The following PPM1G variants were observed in gnomAD, a reference collection of about 807,000 sequenced individuals.
The protein encoded by PPM1G is protein phosphatase 1G.
In PPM1G, 12 loss-of-function variants were observed where a neutral mutation model predicts 59.4. The observed-to-expected ratio is 0.20, with a 90% CI of 0.13 to 0.33. PPM1G has a LOEUF of 0.33. Ranked by LOEUF, PPM1G falls within the 10% of genes least tolerant of loss-of-function variation. PPM1G has a pLI of 1.00. For missense variants in PPM1G, 392 were observed against 681.3 expected, an observed-to-expected ratio of 0.58 and a Z score of 4.73; for synonymous variants, 245 against 251.9, an observed-to-expected ratio of 0.97 and a Z score of 0.26.
chr2:27,393,524 G>A lies in PPM1G; in HGVS notation c.121-6366C>T, dbSNP rs566204943. 2.6e-5 allele frequency among the ~76,000 whole-genome samples: 4 copies of A among 152,324 alleles called. No individual in the cohort carries two copies. In the South Asian group the frequency reaches 8.3e-4, roughly 32 times the overall value. On this transcript the variant is annotated intron_variant, in intron 1 of 9. Transcript: ENST00000344034. ...GGGTGCAGGACGAGCGCCGGGTTCC[G>A]TCCAAGCACTGTTGAAGCAGGAAAC...
At position 27,381,296 on chromosome 2, in the gene PPM1G, G is replaced by T. The variant is rs906442612; in HGVS notation, c.*303C>A. On this transcript the variant is annotated 3_prime_UTR_variant, in exon 10 of 10. Coordinates refer to ENST00000344034, the MANE Select transcript of PPM1G (RefSeq NM_177983.3). ...GGGCCATGGAGCCGCCAATAAAAAA[G>T]AATGTCCTTAAATAAAGTTCACAGA... is the stretch of plus-strand genomic sequence containing the variant. The T allele has an allele frequency of 1.3e-5, 6 of 461,202 alleles. No individual in the cohort carries two copies. Among genetic ancestry groups the T allele is most frequent in the Non-Finnish European group, 2.4e-5 (6 of 253,120 alleles). 28.6% of individuals were successfully genotyped at this position (461,202 alleles called of 1,614,324 possible).
chr2:27,386,023 A>C (rs1048437818), intron 3 of PPM1G, 144 bp from the exon 4 acceptor site: 7 of 1,277,660 alleles, frequency 5.5e-6, no homozygotes, highest in Non-Finnish European at 7.6e-6. Context: ...GAGGCCTAGG[A>C]ATAATAAGGC....
intron 1 of PPM1G, among the ~76,000 whole-genome samples, chr2:27,408,407 T>C (rs976338446): frequency 6.6e-6 from 1 of 152,182 alleles, no homozygotes; most frequent in Non-Finnish European, 1.5e-5. Context: ...CTACCGCAGT[T>C]TTCCCTCTTC....
intron 1 of PPM1G, among the ~76,000 whole-genome samples, chr2:27,408,366 C>T (rs1356840261): frequency 6.6e-6 from 1 of 152,124 alleles, no homozygotes; most frequent in African/African-American, 2.4e-5. Flanking sequence ...TTCACAAAGC[C>T]ACGGTTAACC....
At chr2:27,408,814 ACT>A (rs1284935326) in intron 1 of PPM1G, among the ~76,000 whole-genome samples, 1 of 152,152 alleles carries the variant, frequency 6.6e-6, no homozygotes. Context: ...TGTGAAACAG[ACT>A]CTGCCCGGGG....
intron 1 of PPM1G, among the ~76,000 whole-genome samples, chr2:27,398,600 G>A (rs1170919749): frequency 6.6e-6 from 1 of 152,034 alleles, no homozygotes; most frequent in African/African-American, 2.4e-5. Flanking sequence ...CAGGCGGACG[G>A]ATCACGAGGT....
chr2:27,383,939 C>CT lies in PPM1G; in HGVS notation c.966+12dup. On this transcript the variant is annotated intron_variant, in intron 6 of 9. Transcript: ENST00000344034. This position sits in a 1 kb window ranked among gnomAD's most constrained non-coding sequence, Gnocchi z 5.0. ...TGGCTTTTCAAGACTCATTGCTCCC[C>CT]TTCCCCACACACCTCCTCTTTGCCT... 4 of 1,552,060 alleles carry CT rather than the reference C, an allele frequency of 2.6e-6. No individual in the cohort carries two copies. The highest frequency in any genetic ancestry group is 3.5e-6 in the Non-Finnish European group (4 of 1,147,054).
intron 1 of PPM1G, among the ~76,000 whole-genome samples, chr2:27,393,906 G>C (rs1271721883): frequency 6.6e-6 from 1 of 152,148 alleles, no homozygotes; most frequent in Non-Finnish European, 1.5e-5. Flanking sequence ...TGGGACTACA[G>C]GTGCCTGCCA....
rs1683726336 is a variant in PPM1G, at chr2:27,384,919, C to T, written c.579G>A (p.Glu193=). ...SQGLNGEAGP[E]DSTRETPSQE... ...GTGAAGGAGTTTCCCTAGTTGAGTCCTCAGGTCCTGCCTCCCCATTGAGGC... is the reference window on the plus strand; with the variant it reads ...GTGAAGGAGTTTCCCTAGTTGAGTCTTCAGGTCCTGCCTCCCCATTGAGGC... Residue 193 remains glutamate (E), a synonymous_variant, in exon 5 of 10, where the codon GAG becomes GAA. Coordinates refer to ENST00000344034, the MANE Select transcript of PPM1G (RefSeq NM_177983.3). The surrounding 1 kb of genome is among the most constrained non-coding windows in gnomAD (Gnocchi z 4.8). 2 of 1,614,212 alleles carry T rather than the reference C, an allele frequency of 1.2e-6. No homozygotes were observed. Among genetic ancestry groups the T allele is most frequent in the Admixed American group, 1.7e-5 (1 of 60,016 alleles).
At chr2:27,399,932 T>A in intron 1 of PPM1G, among the ~76,000 whole-genome samples, 1 of 139,040 alleles carries the variant, frequency 7.2e-6, no homozygotes. Context: ...TTGTACATAG[T>A]ATCACTATTT....
Position 27,386,000 on chromosome 2 carries a change from T to C in PPM1G, c.277-121A>G, listed in dbSNP as rs1683755777. The C allele has an allele frequency of 2.9e-6, 4 of 1,357,264 alleles. No homozygotes were observed. The African/African-American group carries it at 4.4e-5, about 15-fold the overall frequency. The allele number at this position is 1,357,264 out of a possible 1,614,324, so 84.1% of individuals were successfully genotyped here. On this transcript the variant is annotated intron_variant, in intron 3 of 9. Transcript: ENST00000344034. The surrounding 1 kb of genome is among the most constrained non-coding windows in gnomAD (Gnocchi z 4.1). ...CACCACACTAAGAGACACTCACAGA[T>C]AAAAACAGCTCAGAGGCCTAGGAAT...
chr2:27,390,737 T>A (rs1683879939), intron 1 of PPM1G, among the ~76,000 whole-genome samples: 2 of 152,318 alleles, frequency 1.3e-5, no homozygotes, highest in African/African-American at 4.8e-5. Context: ...AGGTTTGGGG[T>A]ATGACTGAAC....
chr2:27,381,674 T>C lies in PPM1G; in HGVS notation c.1566A>G (p.Leu522=). Residue 522 remains leucine (L), a synonymous_variant, in exon 10 of 10, where the codon CTA becomes CTG. Coordinates refer to ENST00000344034, the MANE Select transcript of PPM1G (RefSeq NM_177983.3). ...ELQPESGKRK[L]EEVLSTEGAE... ...CCCCCTCAGTAGAGAGCACCTCCTCTAGTTTTCGCTTGCCACTCTCTGGCT... is the reference window on the plus strand; with the variant it reads ...CCCCCTCAGTAGAGAGCACCTCCTCCAGTTTTCGCTTGCCACTCTCTGGCT... 2 of 1,614,046 alleles carry C rather than the reference T, an allele frequency of 1.2e-6. No individual in the cohort carries two copies. Among genetic ancestry groups the C allele is most frequent in the Non-Finnish European group, 1.7e-6 (2 of 1,180,008 alleles).
chr2:27,393,964 G>T (rs1016371471), intron 1 of PPM1G, among the ~76,000 whole-genome samples: 1 of 152,004 alleles, frequency 6.6e-6, no homozygotes, highest in Admixed American at 6.6e-5. Flanking sequence ...GGGTTTCACC[G>T]TGTTAGCCAG....
intron 1 of PPM1G, among the ~76,000 whole-genome samples, chr2:27,392,112 G>C (rs1025262176): frequency 4.6e-5 from 7 of 151,284 alleles, no homozygotes; most frequent in African/African-American, 1.7e-4. Context: ...AAAATCAAGA[G>C]CTTCCCCTAC....
chr2:27,409,168 T>C, intron 1 of PPM1G, 135 bp downstream of exon 1: 1 of 1,291,854 alleles, frequency 7.7e-7, no homozygotes, highest in Non-Finnish European at 1.0e-6. Context: ...GCGGTCTCTG[T>C]CGCCCCGCAA....
chr2:27,391,851 C>A (rs1318380945), intron 1 of PPM1G, among the ~76,000 whole-genome samples: 1 of 151,738 alleles, frequency 6.6e-6, no homozygotes, highest in Non-Finnish European at 1.5e-5. Context: ...CCTGCCTCAG[C>A]CTCCTGAGTA....
intron 1 of PPM1G, among the ~76,000 whole-genome samples, chr2:27,388,459 C>T (rs190904712): frequency 1.8e-3 from 275 of 151,934 alleles, no homozygotes; most frequent in Non-Finnish European, 3.0e-3. Context: ...TCTAAATTTC[C>T]AGGAATAGAT....
chr2:27,405,927 C>T (rs545131626), intron 1 of PPM1G, among the ~76,000 whole-genome samples: 19 of 152,000 alleles, frequency 1.3e-4, no homozygotes, highest in Middle Eastern at 3.4e-3. Flanking sequence ...CGCTTGAACC[C>T]GGGAGGCGGA....
Sources: gnomAD v4.1 joint callset for allele counts (sites outside exome capture counted in the v4.1 genomes callset) on GRCh38, gnomAD v4.1.1 for gene constraint, Gnocchi (gnomAD v3.1) non-coding constraint, MANE v1.5 for transcripts, NCBI Gene and HGNC (gene_info 2026-07-23, HGNC 2026-07-21) for gene names.